Variants in ATP9B observed in about 807,000 individuals in gnomAD.
The protein encoded by ATP9B is probable phospholipid-transporting ATPase IIB.
A neutral mutation model predicts 146.1 loss-of-function variants in ATP9B; 110 were observed. That is an observed-to-expected ratio of 0.75 (90% CI 0.65 to 0.88). The LOEUF (loss-of-function observed/expected upper bound fraction) is 0.88. ATP9B is among the 40% of genes least tolerant of loss of function. The pLI, the probability that ATP9B is intolerant of heterozygous loss-of-function variation, is 0.00. For synonymous variants in ATP9B, 604 were observed against 569.7 expected, an observed-to-expected ratio of 1.06 and a Z score of -0.86; for missense variants, 1,499 against 1,496.4, an observed-to-expected ratio of 1.00 and a Z score of -0.03.
chr18:79,076,392 C>A (rs1423562741), intron 1 of ATP9B, among the ~76,000 whole-genome samples: 1 of 152,166 alleles, frequency 6.6e-6, no homozygotes, highest in Non-Finnish European at 1.5e-5. Context: ...CTGTATTTCT[C>A]CTTCATTCCT....
intron 6 of ATP9B, among the ~76,000 whole-genome samples, chr18:79,154,250 C>T (rs987639830): frequency 2.6e-5 from 4 of 151,894 alleles, no homozygotes; most frequent in African/African-American, 9.7e-5. Flanking sequence ...CGTGAGCCAC[C>T]GGACATGAAG....
intron 19 of ATP9B, 31 bp downstream of exon 19, chr18:79,337,480 C>T: frequency 6.3e-7 from 1 of 1,590,642 alleles, no homozygotes; most frequent in Admixed American, 1.8e-5. Context: ...CTGGCGCGCG[C>T]TGCTTTTGCT....
In ATP9B at chr18:79,081,988, A is replaced by G. The variant is rs149042715; in HGVS notation, c.119+12459A>G. ...GGTTGGGGAAGTTCTCCCGGATAATATCCTGCAGAGTGTTTTCCAACTTGG... is the reference window on the plus strand; with the variant it reads ...GGTTGGGGAAGTTCTCCCGGATAATGTCCTGCAGAGTGTTTTCCAACTTGG... On this transcript the variant is annotated intron_variant, in intron 1 of 29. Coordinates refer to ENST00000426216, the MANE Select transcript of ATP9B (RefSeq NM_198531.5). 6.6e-3 allele frequency among the ~76,000 whole-genome samples: 1,011 copies of G among 152,230 alleles called. 11 individuals carry two copies. Among genetic ancestry groups the G allele is most frequent in the African/African-American group, 0.023 (968 of 41,518 alleles).
intron 11 of ATP9B, among the ~76,000 whole-genome samples, chr18:79,237,331 C>T (rs1178656437): frequency 6.6e-6 from 1 of 150,590 alleles, no homozygotes; most frequent in African/African-American, 2.5e-5. Context: ...CTGCTCCTTC[C>T]CCACTGTGTG....
intron 12 of ATP9B, among the ~76,000 whole-genome samples, chr18:79,262,157 G>C (rs985277712): frequency 1.9e-4 from 23 of 120,660 alleles, no homozygotes; most frequent in Non-Finnish European, 3.3e-4. Context: ...TCTCTCCATA[G>C]AAGTAAAAAT....
intron 2 of ATP9B, among the ~76,000 whole-genome samples, chr18:79,097,754 G>A (rs28845550): frequency 0.54 from 73,767 of 137,138 alleles, 21,522 homozygotes; most frequent in African/African-American, 0.77. Flanking sequence ...TATGTGCCAC[G>A]TTTTCTTAAT....
At chr18:79,273,909 A>C (rs1298878574) in intron 12 of ATP9B, among the ~76,000 whole-genome samples, 4 of 152,086 alleles carry the variant, frequency 2.6e-5, no homozygotes, top group African/African-American at 9.7e-5. Context: ...GTATCTTCCT[A>C]CTCCTAACAT....
intron 20 of ATP9B, 38 bp downstream of exon 20, chr18:79,342,404 T>A: frequency 7.1e-7 from 1 of 1,409,382 alleles, no homozygotes; most frequent in Non-Finnish European, 1.0e-6. Context: ...TTTTTAAACA[T>A]TTGTCTCACA....
At chr18:79,312,087 G>T (rs937986373) in intron 15 of ATP9B, among the ~76,000 whole-genome samples, 1 of 152,156 alleles carries the variant, frequency 6.6e-6, no homozygotes, top group Non-Finnish European at 1.5e-5. Context: ...CGTTGAGACC[G>T]GTCTGCTCAC....
intron 26 of ATP9B, chr18:79,360,292 C>T (rs1600371269): frequency 1.3e-5 from 2 of 152,112 alleles, no homozygotes; most frequent in Admixed American, 1.3e-4. Context: ...GATTTACAAT[C>T]GATAAATGAC....
intron 13 of ATP9B, among the ~76,000 whole-genome samples, chr18:79,289,629 G>A (rs979769179): frequency 1.2e-4 from 18 of 152,170 alleles, no homozygotes; most frequent in East Asian, 5.8e-4. Flanking sequence ...GTCATTCTCC[G>A]TCCAGCTTTG....
intron 5 of ATP9B, among the ~76,000 whole-genome samples, chr18:79,131,854 A>T (rs151297161): frequency 1.3e-5 from 2 of 152,370 alleles, no homozygotes; most frequent in East Asian, 3.9e-4. Flanking sequence ...AAGAAGCCAG[A>T]TGAAAAAGGT....
intron 5 of ATP9B, among the ~76,000 whole-genome samples, chr18:79,127,463 A>T (rs150507090): frequency 1.3e-5 from 2 of 152,086 alleles, no homozygotes; most frequent in African/African-American, 2.4e-5. Flanking sequence ...GAATTATGCA[A>T]TGTGTGGTCC....
At chr18:79,252,793 A>G (rs1599302537) in intron 11 of ATP9B, among the ~76,000 whole-genome samples, 1 of 142,806 alleles carries the variant, frequency 7.0e-6, no homozygotes, top group Non-Finnish European at 1.5e-5. Context: ...CTAGCTAACT[A>G]TTGCTTTTTT....
At chr18:79,289,612 C>T (rs546393863) in intron 13 of ATP9B, among the ~76,000 whole-genome samples, 28 of 152,334 alleles carry the variant, frequency 1.8e-4, no homozygotes, top group African/African-American at 5.5e-4. Flanking sequence ...TCTCTCAACT[C>T]GTCAAAGTCA....
chr18:79,206,080 A>G (rs2095531093), intron 9 of ATP9B, among the ~76,000 whole-genome samples: 1 of 151,932 alleles, frequency 6.6e-6, no homozygotes, highest in African/African-American at 2.4e-5. Flanking sequence ...AGCTGGGACT[A>G]CAGGTGCCCG....
intron 15 of ATP9B, among the ~76,000 whole-genome samples, chr18:79,313,570 T>C (rs1313968088): frequency 6.6e-6 from 1 of 152,248 alleles, no homozygotes; most frequent in African/African-American, 2.4e-5. Flanking sequence ...AAAAATACTG[T>C]ATTACATATT....
At chr18:79,144,490 C>T (rs1356007760) in intron 6 of ATP9B, among the ~76,000 whole-genome samples, 11 of 152,158 alleles carry the variant, frequency 7.2e-5, no homozygotes, top group Non-Finnish European at 1.3e-4. Context: ...AGGTCCCTTG[C>T]GTGTGCAGTT....
intron 13 of ATP9B, among the ~76,000 whole-genome samples, chr18:79,293,609 A>G (rs1188168366): frequency 6.6e-6 from 1 of 152,190 alleles, no homozygotes; most frequent in Non-Finnish European, 1.5e-5. Context: ...TCAGCCTCGG[A>G]CTTTCCAGCC....
Sources: gnomAD v4.1 joint callset for allele counts (sites outside exome capture counted in the v4.1 genomes callset) on GRCh38, gnomAD v4.1.1 for gene constraint, MANE v1.5 for transcripts, NCBI Gene and HGNC (gene_info 2026-07-23, HGNC 2026-07-21) for gene names.